The following LY86 variants were observed in gnomAD, a reference collection of about 807,000 sequenced individuals.
LY86 encodes the protein MD-1, RP105-associated.
In LY86, 20 loss-of-function variants were observed where a neutral mutation model predicts 17.3. The observed-to-expected ratio is 1.15, with a 90% CI of 0.81 to 1.68. The LOEUF (loss-of-function observed/expected upper bound fraction) is 1.68, where lower values mean the gene tolerates loss of function less well. Among genes scored for constraint, LY86 ranks in the 40% most tolerant of loss-of-function variants. The probability of loss-of-function intolerance (pLI) is 0.00; values close to 1 mark genes in which losing one functional copy is unlikely to be tolerated. For missense variants in LY86, 200 were observed against 191.9 expected (o/e 1.04, Z -0.25); for synonymous variants, 74 against 70.6 (o/e 1.05, Z -0.24).
intron 1 of LY86, among the ~76,000 whole-genome samples, chr6:6,601,247 G>A (rs1210313114): frequency 2.0e-5 from 3 of 152,212 alleles, no homozygotes; most frequent in African/African-American, 7.2e-5. Flanking sequence ...GGGAGAAGCA[G>A]TGGTAGGAGA....
At chr6:6,590,560 G>A (rs1561772307) in intron 1 of LY86, among the ~76,000 whole-genome samples, 1 of 152,082 alleles carries the variant, frequency 6.6e-6, no homozygotes, top group Non-Finnish European at 1.5e-5. Flanking sequence ...TAAATTTGAG[G>A]GGATGCAATT....
At chr6:6,610,348 T>C (rs1464812364) in intron 1 of LY86, among the ~76,000 whole-genome samples, 2 of 152,140 alleles carry the variant, frequency 1.3e-5, no homozygotes, top group Admixed American at 6.5e-5. Flanking sequence ...TTTAAAAAAA[T>C]GGCCTGAAGC....
At chr6:6,594,544 T>C (rs539886488) in intron 1 of LY86, among the ~76,000 whole-genome samples, 16 of 152,214 alleles carry the variant, frequency 1.1e-4, no homozygotes, top group Non-Finnish European at 1.8e-4. Flanking sequence ...AGAAAAGGCT[T>C]GCCAATCCCT....
rs555207556 is a variant in LY86, at chr6:6,619,512, TAA to T, written c.137-5412_137-5411del. Among the ~76,000 whole-genome samples, 496 of 152,362 alleles carry T rather than the reference TAA, an allele frequency of 3.3e-3. 4 individuals are homozygous for T. The highest frequency in any genetic ancestry group is 0.011 in the African/African-American group (475 of 41,578). On this transcript the variant is annotated intron_variant, in intron 1 of 4. Transcript: ENST00000230568. ...TTAACCCAATTTTTCCTTCCCTCCA[TAA>T]ACTGTTTGCTAGAGGCAGTCTTGCC...
chr6:6,618,254 T>C (rs1011294365), intron 1 of LY86, among the ~76,000 whole-genome samples: 1 of 152,218 alleles, frequency 6.6e-6, no homozygotes, highest in Non-Finnish European at 1.5e-5. Flanking sequence ...AGTGTCTTCA[T>C]TGCCACTCAT....
intron 1 of LY86, among the ~76,000 whole-genome samples, chr6:6,622,329 C>T (rs1013644590): frequency 3.3e-5 from 5 of 152,172 alleles, no homozygotes; most frequent in Non-Finnish European, 7.4e-5. Context: ...CAACACAATA[C>T]GTACTTAGCC....
chr6:6,652,872 A>G (rs115330716), intron 4 of LY86, among the ~76,000 whole-genome samples: 61 of 152,372 alleles, frequency 4.0e-4, no homozygotes, highest in African/African-American at 1.3e-3. Flanking sequence ...TCTTAGGTTC[A>G]TAATGTAGTA....
intron 1 of LY86, among the ~76,000 whole-genome samples, chr6:6,592,850 C>CCCCA (rs1561773278): frequency 1.3e-5 from 2 of 152,104 alleles, no homozygotes; most frequent in Non-Finnish European, 2.9e-5. Flanking sequence ...TGTTTAAGCC[C>CCCCA]CCCAGTCTAT....
At chr6:6,640,937 T>C (rs891599138) in intron 3 of LY86, among the ~76,000 whole-genome samples, 9 of 152,228 alleles carry the variant, frequency 5.9e-5, no homozygotes, top group African/African-American at 9.6e-5. Flanking sequence ...AAATCTCACA[T>C]GCCTCGTCAA....
intron 3 of LY86, among the ~76,000 whole-genome samples, chr6:6,632,389 G>T (rs780881494): frequency 6.6e-4 from 100 of 152,256 alleles, no homozygotes; most frequent in Non-Finnish European, 9.7e-4. Context: ...TTCATTATTG[G>T]GTAAGAGTGG....
At chr6:6,628,377 T>C (rs1199589762) in intron 3 of LY86, among the ~76,000 whole-genome samples, 1 of 139,384 alleles carries the variant, frequency 7.2e-6, no homozygotes, top group Non-Finnish European at 1.5e-5. Context: ...TCCACCCCCC[T>C]ATACATACCT....
At chr6:6,613,577 C>T (rs1183137637) in intron 1 of LY86, among the ~76,000 whole-genome samples, 3 of 152,234 alleles carry the variant, frequency 2.0e-5, no homozygotes, top group East Asian at 3.8e-4. Flanking sequence ...ACCGGGAACT[C>T]GCTCTGGCCC....
At chr6:6,650,039 G>A (rs1033924458) in intron 4 of LY86, among the ~76,000 whole-genome samples, 11 of 152,174 alleles carry the variant, frequency 7.2e-5, no homozygotes, top group African/African-American at 2.4e-4. Flanking sequence ...GGGCTGTGTG[G>A]GCGGCACCAT....
intron 1 of LY86, among the ~76,000 whole-genome samples, chr6:6,596,599 C>T (rs1454939836): frequency 2.6e-5 from 4 of 152,124 alleles, no homozygotes; most frequent in Admixed American, 6.5e-5. Context: ...CAGGATTGAA[C>T]AGCTAGCTGC....
chr6:6,635,681 A>G (rs560060365), intron 3 of LY86, among the ~76,000 whole-genome samples: 1 of 152,102 alleles, frequency 6.6e-6, no homozygotes, highest in African/African-American at 2.4e-5. Flanking sequence ...TTCATTCCCA[A>G]CCTTCCCCAA....
At chr6:6,602,442 C>G (rs1018646607) in intron 1 of LY86, among the ~76,000 whole-genome samples, 1 of 152,192 alleles carries the variant, frequency 6.6e-6, no homozygotes, top group Non-Finnish European at 1.5e-5. Flanking sequence ...GAAACCACAT[C>G]GGAATTAGTA....
chr6:6,627,957 T>G (rs1014829151), intron 3 of LY86, among the ~76,000 whole-genome samples: 9 of 152,090 alleles, frequency 5.9e-5, no homozygotes, highest in Admixed American at 1.3e-4. Flanking sequence ...TGTGTCTTGC[T>G]TTTGGCCAAG....
intron 1 of LY86, among the ~76,000 whole-genome samples, chr6:6,592,952 G>A (rs1760579338): frequency 6.6e-6 from 1 of 152,258 alleles, no homozygotes; most frequent in Non-Finnish European, 1.5e-5. Context: ...AGCATGAGAG[G>A]TAAGAGCTTA....
At chr6:6,648,455 A>C (rs1387344288) in intron 3 of LY86, among the ~76,000 whole-genome samples, 1 of 151,790 alleles carries the variant, frequency 6.6e-6, no homozygotes, top group Non-Finnish European at 1.5e-5. Flanking sequence ...CTATCCTCCT[A>C]ATTTCCTAAA....
Sources: allele counts gnomAD v4.1 joint callset (sites outside exome capture counted in the v4.1 genomes callset), GRCh38; gene constraint gnomAD v4.1.1; transcripts MANE v1.5; gene names NCBI Gene and HGNC (gene_info 2026-07-23, HGNC 2026-07-21).